C12orf56: variants seen among roughly 807,000 people sequenced by gnomAD.
The protein encoded by C12orf56 is chromosome 12 open reading frame 56, also known as uncharacterized protein C12orf56.
Under a neutral mutation model 69.9 loss-of-function variants are expected in C12orf56, and 71 were observed. The observed-to-expected ratio is 1.02, with a 90% CI of 0.84 to 1.24. The LOEUF (loss-of-function observed/expected upper bound fraction) is 1.24. Among genes scored for constraint, C12orf56 ranks in the 50% most tolerant of loss-of-function variants. The probability of loss-of-function intolerance (pLI) is 0.00; values close to 1 mark genes in which losing one functional copy is unlikely to be tolerated. For synonymous variants in C12orf56, 276 were observed against 274.1 expected, an observed-to-expected ratio of 1.01 and a Z score of -0.07; for missense variants, 732 against 738.5, an observed-to-expected ratio of 0.99 and a Z score of 0.10.
At chr12:64,301,211 G>A (rs1335661473) in intron 6 of C12orf56, among the ~76,000 whole-genome samples, 1 of 152,170 alleles carries the variant, frequency 6.6e-6, no homozygotes, top group African/African-American at 2.4e-5. Flanking sequence ...GAGTGGTTAT[G>A]TTAAATATTA....
chr12:64,378,258 A>C (rs572237142), intron 1 of C12orf56, among the ~76,000 whole-genome samples: 1 of 152,300 alleles, frequency 6.6e-6, no homozygotes, highest in African/African-American at 2.4e-5. Flanking sequence ...AATGTGCCTG[A>C]CTCTGGCTAA....
chr12:64,332,229 GGA>G lies in C12orf56; in HGVS notation c.416-1199_416-1198del, dbSNP rs1378357608. ...TGAGGCAGGAGAATCTCTTGAACTAGGAGAGAGAGGTTGCAGTGACCCAAGAT... is the reference window on the plus strand; with the variant it reads ...TGAGGCAGGAGAATCTCTTGAACTAGGAGAGAGGTTGCAGTGACCCAAGAT... On this transcript the variant is annotated intron_variant, in intron 2 of 12. Transcript: ENST00000543942. Among the ~76,000 whole-genome samples, 9 of 150,056 alleles carry G rather than the reference GGA, an allele frequency of 6.0e-5. No homozygotes were observed. In the South Asian group the frequency reaches 1.9e-3, roughly 32 times the overall value.
chr12:64,283,095 T>C (rs184444742), intron 8 of C12orf56, among the ~76,000 whole-genome samples: 2 of 151,934 alleles, frequency 1.3e-5, no homozygotes, highest in South Asian at 2.1e-4. Flanking sequence ...TGAGCCAAGA[T>C]TGTGCCATTG....
chr12:64,330,353 A>G (rs959762914), intron 3 of C12orf56, among the ~76,000 whole-genome samples: 1 of 152,140 alleles, frequency 6.6e-6, no homozygotes, highest in African/African-American at 2.4e-5. Flanking sequence ...TAACTAACAC[A>G]TGTTCCATTT....
intron 3 of C12orf56, among the ~76,000 whole-genome samples, chr12:64,325,320 C>T (rs1056474298): frequency 6.6e-6 from 1 of 150,686 alleles, no homozygotes; most frequent in African/African-American, 2.4e-5. Flanking sequence ...GCCATAATCA[C>T]ACCACTGTAC....
chr12:64,328,728 T>TGGG lies in C12orf56; in HGVS notation c.488+2231_488+2232insCCC, dbSNP rs2038886628. On this transcript the variant is annotated intron_variant, in intron 3 of 12. Coordinates refer to ENST00000543942, the MANE Select transcript of C12orf56 (RefSeq NM_001170633.2). The stretch of plus-strand genomic sequence containing the variant: ...AAAAATATATATATATATATATATA[T>TGGG]ATATATATAGTATCACACTTTAACT... Among the ~76,000 whole-genome samples, 4 of 102,240 alleles carry TGGG rather than the reference T, an allele frequency of 3.9e-5. 1 individual carries two copies. The highest frequency in any genetic ancestry group is 1.2e-4 in the Admixed American group (1 of 8,494). The allele number at this position is 102,240 out of a possible 152,430, so 67.1% of individuals were successfully genotyped here.
At chr12:64,370,556 C>T (rs1050289279) in intron 1 of C12orf56, among the ~76,000 whole-genome samples, 2 of 152,018 alleles carry the variant, frequency 1.3e-5, no homozygotes, top group Non-Finnish European at 2.9e-5. Context: ...GAGGCTGAGG[C>T]ATGAGAATCG....
intron 1 of C12orf56, among the ~76,000 whole-genome samples, chr12:64,372,367 T>G (rs1384773155): frequency 6.6e-6 from 1 of 152,208 alleles, no homozygotes; most frequent in Non-Finnish European, 1.5e-5. Context: ...AAACAATTCA[T>G]TTTTTGATCA....
At chr12:64,386,176 CTCT>C (rs1370487017) in intron 1 of C12orf56, among the ~76,000 whole-genome samples, 2 of 152,042 alleles carry the variant, frequency 1.3e-5, no homozygotes, top group African/African-American at 4.8e-5. Flanking sequence ...TGGCCACCGA[CTCT>C]TCTTCTGCCC....
At chr12:64,328,130 G>C (rs1023759807) in intron 3 of C12orf56, among the ~76,000 whole-genome samples, 2 of 151,978 alleles carry the variant, frequency 1.3e-5, no homozygotes, top group African/African-American at 4.8e-5. Flanking sequence ...AGTGAGAAAA[G>C]GCCCCTCCCC....
intron 2 of C12orf56, among the ~76,000 whole-genome samples, chr12:64,349,438 A>G (rs946518736): frequency 2.6e-5 from 4 of 152,220 alleles, no homozygotes; most frequent in East Asian, 1.9e-4. Context: ...TACAGCAACT[A>G]TGGAAAACTG....
intron 1 of C12orf56, among the ~76,000 whole-genome samples, chr12:64,354,234 C>G (rs1453147074): frequency 6.6e-6 from 1 of 152,168 alleles, no homozygotes; most frequent in Non-Finnish European, 1.5e-5. Flanking sequence ...TTCTCTGCAA[C>G]AGCCTACTTC....
intron 1 of C12orf56, among the ~76,000 whole-genome samples, chr12:64,353,913 T>G (rs2039268292): frequency 6.6e-6 from 1 of 152,014 alleles, no homozygotes; most frequent in Non-Finnish European, 1.5e-5. Flanking sequence ...ACTCCTGACT[T>G]AAGGTGATCC....
chr12:64,343,025 T>C (rs1467245506), intron 2 of C12orf56, among the ~76,000 whole-genome samples: 1 of 152,150 alleles, frequency 6.6e-6, no homozygotes, highest in Admixed American at 6.5e-5. Flanking sequence ...GCCTTTCAGG[T>C]CACTTGATAA....
At chr12:64,314,937 CTTTTTTTTTTTTTTTTTT>C (rs534106623) in intron 4 of C12orf56, among the ~76,000 whole-genome samples, 3 of 44,596 alleles carry the variant, frequency 6.7e-5, no homozygotes, top group Admixed American at 4.3e-4. Flanking sequence ...ATCCGGCCAG[CTTTTTTTTTTTTTTTTTT>C]TTTTTTTTTT....
chr12:64,332,929 A>G (rs2038950237), intron 2 of C12orf56, among the ~76,000 whole-genome samples: 2 of 152,250 alleles, frequency 1.3e-5, no homozygotes, highest in South Asian at 4.1e-4. Flanking sequence ...CTTCCAACAA[A>G]TTCCCCTTGA....
intron 3 of C12orf56, among the ~76,000 whole-genome samples, chr12:64,328,706 A>AATATATAT (rs138783628): frequency 4.0e-4 from 6 of 15,112 alleles, no homozygotes; most frequent in African/African-American, 1.3e-3. Context: ...AAAAAAAAAA[A>AATATATAT]ATATATATAT....
In C12orf56 at chr12:64,286,022, A is replaced by C. The variant is rs774993342; in HGVS notation, c.1152T>G (p.His384Gln). ...TATCCCTAGACTCCGGCAAGTACTC[A>C]TGAAGTTTGTTTACTATGAAATAGA... ...DLFYFIVNKL[H>Q]EYLPESRDKN... Residue 384 changes from histidine to glutamine, a missense_variant, in exon 7 of 13, where the codon CAT (histidine) becomes CAG (glutamine). Transcript: ENST00000543942. The C allele has an allele frequency of 1.2e-6, 2 of 1,610,698 alleles. No homozygotes were observed. The highest frequency in any genetic ancestry group is 1.1e-5 in the South Asian group (1 of 90,618).
Position 64,360,610 on chromosome 12 carries a change from C to T in C12orf56, c.253-7554G>A, listed in dbSNP as rs73311889. ...ACTGTCCTAAAATAAGCTCAAAGTA[C>T]GGTGAGTAAAATTCTATTTTGCATG... is the stretch of plus-strand genomic sequence containing the variant. On this transcript the variant is annotated intron_variant, in intron 1 of 12. Coordinates refer to ENST00000543942, the MANE Select transcript of C12orf56 (RefSeq NM_001170633.2). Among the ~76,000 whole-genome samples, 186 of 152,078 alleles carry T rather than the reference C, an allele frequency of 1.2e-3. 1 individual carries two copies. The highest frequency in any genetic ancestry group is 4.3e-3 in the African/African-American group (180 of 41,476).
Sources: allele counts gnomAD v4.1 joint callset (sites outside exome capture counted in the v4.1 genomes callset), GRCh38; gene constraint gnomAD v4.1.1; transcripts MANE v1.5; gene names NCBI Gene and HGNC (gene_info 2026-07-23, HGNC 2026-07-21).